The following NYAP2 variants were observed in gnomAD, a reference collection of about 807,000 sequenced individuals.
The protein encoded by NYAP2 is neuronal tyrosine-phosphorylated phosphoinositide-3-kinase adapter 2.
Under a neutral mutation model 50.4 loss-of-function variants are expected in NYAP2, and 23 were observed. The ratio of observed to expected loss-of-function variants is 0.46; its 90% confidence interval spans 0.33 to 0.65. NYAP2 has a LOEUF of 0.65. Among genes scored for constraint, NYAP2 ranks in the 30% least tolerant of loss-of-function variants. The pLI, the probability that NYAP2 is intolerant of heterozygous loss-of-function variation, is 0.02. For synonymous variants in NYAP2, 394 were observed against 365.2 expected, an observed-to-expected ratio of 1.08 and a Z score of -0.90; for missense variants, 885 against 861.0, an observed-to-expected ratio of 1.03 and a Z score of -0.35.
chr2:225,672,855 G>C, the NYAP2 span, among the ~76,000 whole-genome samples: 1 of 151,992 alleles, frequency 6.6e-6, no homozygotes, highest in African/African-American at 2.4e-5. Flanking sequence ...AACACGTAAA[G>C]CACTAATTGA....
chr2:225,634,416 C>T (rs1418366133), intron 6 of NYAP2, among the ~76,000 whole-genome samples: 9 of 152,272 alleles, frequency 5.9e-5, no homozygotes, highest in African/African-American at 2.2e-4. Context: ...CTCTGCAGAA[C>T]GGTTCTGGGA....
intron 3 of NYAP2, among the ~76,000 whole-genome samples, chr2:225,494,310 AATAGCCTTG>A (rs1263133455): frequency 6.6e-6 from 1 of 152,220 alleles, no homozygotes; most frequent in African/African-American, 2.4e-5. Context: ...ATTTACTGTG[AATAGCCTTG>A]ATACCTCTGC....
rs548208957 is a variant in NYAP2, at chr2:225,651,856, T to C, written c.*291T>C. ...ATGTATTGGCTTAGTGGTTCTTTTT[T>C]AAATTCTTTCTCTCTTTCATGTTTT... On this transcript the variant is annotated 3_prime_UTR_variant, in exon 7 of 7. Transcript: ENST00000636099. 3.3e-5 allele frequency: 9 copies of C among 271,752 alleles called. No individual in the cohort carries two copies. In the South Asian group the frequency reaches 8.4e-4, roughly 25 times the overall value. 16.8% of individuals were successfully genotyped at this position (271,752 alleles called of 1,614,324 possible).
chr2:225,441,831 A>T (rs941482758), intron 3 of NYAP2, among the ~76,000 whole-genome samples: 9 of 152,246 alleles, frequency 5.9e-5, no homozygotes, highest in African/African-American at 1.9e-4. Flanking sequence ...ATAATGTTGG[A>T]CAAGTTCATT....
At chr2:225,519,333 A>C (rs911241338) in intron 4 of NYAP2, among the ~76,000 whole-genome samples, 1 of 151,860 alleles carries the variant, frequency 6.6e-6, no homozygotes, top group Non-Finnish European at 1.5e-5. Context: ...CAGGTTAGTT[A>C]CATATGTATA....
the NYAP2 span, among the ~76,000 whole-genome samples, chr2:225,696,736 G>C: frequency 6.6e-6 from 1 of 151,932 alleles, no homozygotes; most frequent in East Asian, 1.9e-4. Context: ...TTGAGAGGCA[G>C]CATAGTGTAG....
intron 5 of NYAP2, among the ~76,000 whole-genome samples, chr2:225,618,903 T>A (rs562636589): frequency 6.6e-6 from 1 of 152,300 alleles, no homozygotes; most frequent in South Asian, 2.1e-4. Flanking sequence ...AAGGCAAGAA[T>A]AGAGCCATGA....
chr2:225,470,081 A>G (rs913102833), intron 3 of NYAP2, among the ~76,000 whole-genome samples: 33 of 152,230 alleles, frequency 2.2e-4, no homozygotes, highest in Non-Finnish European at 5.9e-5. Context: ...ACAATGAAGT[A>G]TATTTCATCT....
chr2:225,446,774 G>A (rs1350391088), intron 3 of NYAP2, among the ~76,000 whole-genome samples: 1 of 152,044 alleles, frequency 6.6e-6, no homozygotes, highest in Non-Finnish European at 1.5e-5. Context: ...GTGATTAACA[G>A]GGCCACAAGG....
chr2:225,647,654 T>C (rs1027171323), intron 6 of NYAP2, among the ~76,000 whole-genome samples: 4 of 152,268 alleles, frequency 2.6e-5, no homozygotes, highest in Non-Finnish European at 2.9e-5. Flanking sequence ...CTAGGTTAAT[T>C]TGAGTATCTT....
the NYAP2 span, among the ~76,000 whole-genome samples, chr2:225,663,114 AC>A: frequency 3.0e-4 from 46 of 152,320 alleles, no homozygotes; most frequent in African/African-American, 1.1e-3. Context: ...CACTGTTTTT[AC>A]TGTAAGCATG....
intron 4 of NYAP2, among the ~76,000 whole-genome samples, chr2:225,579,548 C>T (rs1264918864): frequency 2.0e-5 from 3 of 152,260 alleles, no homozygotes; most frequent in Non-Finnish European, 2.9e-5. Context: ...TTTTGGCAAA[C>T]GAAATGGCAT....
chr2:225,409,288 T>C (rs538291879), intron 3 of NYAP2, among the ~76,000 whole-genome samples, 187 bp downstream of exon 3: 1 of 152,102 alleles, frequency 6.6e-6, no homozygotes, highest in South Asian at 2.1e-4. Flanking sequence ...GCATCCTTAG[T>C]TAACAAAAGT....
chr2:225,597,131 A>C (rs1224549028), intron 5 of NYAP2, among the ~76,000 whole-genome samples: 1 of 152,066 alleles, frequency 6.6e-6, no homozygotes, highest in Non-Finnish European at 1.5e-5. Context: ...CTGCCGTCTA[A>C]CAGCTGTTCT....
At chr2:225,409,409 A>C (rs774329002) in intron 3 of NYAP2, among the ~76,000 whole-genome samples, 1 of 152,098 alleles carries the variant, frequency 6.6e-6, no homozygotes, top group Non-Finnish European at 1.5e-5. Flanking sequence ...GCAAGGGAAC[A>C]CACAAACCTT....
intron 4 of NYAP2, among the ~76,000 whole-genome samples, chr2:225,568,569 G>A (rs917106036): frequency 1.3e-5 from 2 of 152,170 alleles, no homozygotes; most frequent in Non-Finnish European, 2.9e-5. Flanking sequence ...ACTCAGCAGT[G>A]AACAAAGATT....
At chr2:225,574,828 G>A (rs1452390140) in intron 4 of NYAP2, among the ~76,000 whole-genome samples, 1 of 152,294 alleles carries the variant, frequency 6.6e-6, no homozygotes, top group East Asian at 1.9e-4. Flanking sequence ...GATGTCAACA[G>A]GGGCTCTTAT....
exon 7 of NYAP2, chr2:225,652,713 C>T (rs1693756629): frequency 6.6e-6 from 1 of 152,110 alleles, no homozygotes; most frequent in Non-Finnish European, 1.5e-5. Flanking sequence ...GATGATACCT[C>T]CAAGGGAACT....
chr2:225,609,334 T>C (rs1300850913), intron 5 of NYAP2, among the ~76,000 whole-genome samples: 1 of 152,174 alleles, frequency 6.6e-6, no homozygotes, highest in Non-Finnish European at 1.5e-5. Context: ...ATGAGGCCTT[T>C]TGTAAGAGCA....
Sources: allele counts gnomAD v4.1 joint callset (sites outside exome capture counted in the v4.1 genomes callset), GRCh38; gene constraint gnomAD v4.1.1; transcripts MANE v1.5; gene names NCBI Gene and HGNC (gene_info 2026-07-23, HGNC 2026-07-21).